The following MTCL2 variants were observed in gnomAD, a reference collection of about 807,000 sequenced individuals.
MTCL2 encodes microtubule crosslinking factor 2.
the MTCL2 span, among the ~76,000 whole-genome samples, chr20:36,856,855 T>TGTGCGTGCGCGCAC: frequency 2.0e-5 from 3 of 152,094 alleles, no homozygotes; most frequent in South Asian, 6.2e-4. Context: ...TGTGTGTGTG[T>TGTGCGTGCGCGCAC]GTGCGTGCGC....
At chr20:36,855,482 G>A in the MTCL2 span, among the ~76,000 whole-genome samples, 2 of 152,226 alleles carry the variant, frequency 1.3e-5, no homozygotes, top group Non-Finnish European at 2.9e-5. Flanking sequence ...GCCAGGGTCA[G>A]CCTGGCATGG....
chr20:36,863,122 G>T, the MTCL2 span: 5 of 1,396,950 alleles, frequency 3.6e-6, no homozygotes, highest in Middle Eastern at 5.1e-4. The surrounding 1 kb of genome is among the most constrained non-coding windows in gnomAD (Gnocchi z 6.2). Context: ...GCCACTGCGC[G>T]CCCCTTCTTG....
the MTCL2 span, among the ~76,000 whole-genome samples, chr20:36,801,732 G>A: frequency 6.6e-6 from 1 of 152,156 alleles, no homozygotes; most frequent in South Asian, 2.1e-4. Flanking sequence ...TTGGAAGACC[G>A]AGGCGGGCGG....
At chr20:36,858,010 G>C in the MTCL2 span, among the ~76,000 whole-genome samples, 1 of 151,928 alleles carries the variant, frequency 6.6e-6, no homozygotes, top group Non-Finnish European at 1.5e-5. Context: ...CCCAGGCTCC[G>C]GGCCCCCAGC....
chr20:36,853,057 CAAA>C, the MTCL2 span, among the ~76,000 whole-genome samples: 6 of 71,362 alleles, frequency 8.4e-5, no homozygotes, highest in Non-Finnish European at 8.7e-5. Context: ...ACTTCGTCTC[CAAA>C]AAAAAAAAAA....
At chr20:36,860,478 A>AT in the MTCL2 span, among the ~76,000 whole-genome samples, 1 of 152,160 alleles carries the variant, frequency 6.6e-6, no homozygotes, top group Non-Finnish European at 1.5e-5. Flanking sequence ...GGTTCTAAAT[A>AT]AACAGCTGCC....
the MTCL2 span, among the ~76,000 whole-genome samples, chr20:36,805,363 T>C: frequency 6.6e-6 from 1 of 152,150 alleles, no homozygotes; most frequent in African/African-American, 2.4e-5. Flanking sequence ...CAGCTCACCG[T>C]GTGTGACCCT....
the MTCL2 span, chr20:36,805,881 C>T: frequency 6.2e-7 from 1 of 1,613,302 alleles, no homozygotes; most frequent in Non-Finnish European, 8.5e-7. Context: ...GTCCCCCGTG[C>T]AGGCCTTGTT....
the MTCL2 span, chr20:36,829,232 A>C: frequency 6.3e-7 from 1 of 1,595,170 alleles, no homozygotes; most frequent in South Asian, 1.1e-5. Flanking sequence ...GGTGGGAGAG[A>C]GAAGGATGTG....
the MTCL2 span, chr20:36,809,978 GCACCTGGAC>G: frequency 6.3e-7 from 1 of 1,598,598 alleles, no homozygotes; most frequent in Non-Finnish European, 8.5e-7. Context: ...TGGGCACCAC[GCACCTGGAC>G]CATTTTCTGG....
the MTCL2 span, among the ~76,000 whole-genome samples, chr20:36,788,058 G>A: frequency 9.9e-5 from 15 of 151,544 alleles, no homozygotes; most frequent in South Asian, 6.3e-4. Flanking sequence ...AAAATTACCC[G>A]GGCATGGTGG....
the MTCL2 span, among the ~76,000 whole-genome samples, chr20:36,847,794 C>T: frequency 7.1e-6 from 1 of 139,874 alleles, no homozygotes; most frequent in African/African-American, 2.7e-5. Context: ...GTTGAGGCTG[C>T]AATAAGCAAG....
the MTCL2 span, among the ~76,000 whole-genome samples, chr20:36,795,941 C>T: frequency 6.6e-6 from 1 of 152,200 alleles, no homozygotes; most frequent in African/African-American, 2.4e-5. Context: ...CTCTAAGCTG[C>T]ATGTTCTCCT....
At chr20:36,832,417 C>T in the MTCL2 span, among the ~76,000 whole-genome samples, 1 of 152,340 alleles carries the variant, frequency 6.6e-6, no homozygotes, top group East Asian at 1.9e-4. Flanking sequence ...CTCTGGGGTT[C>T]ATGAACAACT....
chr20:36,863,155 C>T, the MTCL2 span: 2 of 1,365,580 alleles, frequency 1.5e-6, no homozygotes, highest in Non-Finnish European at 9.5e-7. This position sits in a 1 kb window ranked among gnomAD's most constrained non-coding sequence, Gnocchi z 6.2. Flanking sequence ...GAGAACGCGG[C>T]GCTGCAGGCG....
the MTCL2 span, chr20:36,815,522 A>G: frequency 6.3e-7 from 1 of 1,577,704 alleles, no homozygotes. The surrounding 1 kb of genome is among the most constrained non-coding windows in gnomAD (Gnocchi z 5.3). Flanking sequence ...GTCGGACCGC[A>G]TGGGACTCGT....
chr20:36,781,893 G>A, the MTCL2 span: 1 of 152,048 alleles, frequency 6.6e-6, no homozygotes, highest in African/African-American at 2.4e-5. Context: ...AGAGCGCAAT[G>A]GCACAATCTC....
the MTCL2 span, among the ~76,000 whole-genome samples, chr20:36,823,680 C>T: frequency 2.0e-5 from 3 of 151,990 alleles, no homozygotes; most frequent in South Asian, 2.1e-4. Context: ...TGGTGGCGTG[C>T]GCCTATAGTC....
chr20:36,842,685 T>C, the MTCL2 span, among the ~76,000 whole-genome samples: 1 of 152,048 alleles, frequency 6.6e-6, no homozygotes, highest in Non-Finnish European at 1.5e-5. Context: ...AGCAGGAGAA[T>C]CATTTGAACC....
Sources: gnomAD v4.1 joint callset for allele counts (sites outside exome capture counted in the v4.1 genomes callset) on GRCh38, gnomAD v4.1.1 for gene constraint, Gnocchi (gnomAD v3.1) non-coding constraint, MANE v1.5 for transcripts, NCBI Gene and HGNC (gene_info 2026-07-23, HGNC 2026-07-21) for gene names.